VPS26C: variants seen among roughly 807,000 people sequenced by gnomAD.
The protein encoded by VPS26C is VPS26 endosomal protein sorting factor C, also known as vacuolar protein sorting-associated protein 26C.
VPS26C carries 19 observed loss-of-function variants against 30.6 expected under a neutral mutation model. That is an observed-to-expected ratio of 0.62 (90% CI 0.43 to 0.91). VPS26C has a LOEUF of 0.91. Among genes scored for constraint, VPS26C ranks in the 40% least tolerant of loss-of-function variants. VPS26C has a pLI of 0.00. For synonymous variants in VPS26C, 132 were observed against 151.5 expected (o/e 0.87, Z 0.95); for missense variants, 318 against 385.1 (o/e 0.83, Z 1.46).
chr21:37,259,026 CTACT>C (rs1448033271), intron 1 of VPS26C, among the ~76,000 whole-genome samples: 1 of 152,032 alleles, frequency 6.6e-6, no homozygotes, highest in Non-Finnish European at 1.5e-5. Context: ...AAGAAGAGAC[CTACT>C]TAAAGTTTGG....
intron 1 of VPS26C, chr21:37,261,795 G>A (rs1476337409): frequency 1.3e-5 from 2 of 152,022 alleles, no homozygotes; most frequent in Admixed American, 6.6e-5. Context: ...AGTGCATGAG[G>A]TTACCAAACC....
Position 37,227,754 on chromosome 21 carries a change from G to T in VPS26C, c.711C>A (p.Ile237=). Residue 237 remains isoleucine (I), a synonymous_variant, in exon 7 of 8, where the codon ATC becomes ATA. Coordinates refer to ENST00000309117, the MANE Select transcript of VPS26C (RefSeq NM_006052.2). ...GGCCCCTGCACACATCCCCGTCGGC[G>T]ATCTGAATGTTCTGAATCTCCGTGG... The part of the protein sequence containing the change: ...RDATEIQNIQ[I]ADGDVCRGLS... The T allele has an allele frequency of 6.2e-7, 1 of 1,614,178 alleles. No homozygotes were observed. Among genetic ancestry groups the T allele is most frequent in the South Asian group, 1.1e-5 (1 of 91,082 alleles).
At chr21:37,225,687 C>T (rs1015939372) in intron 7 of VPS26C, 61 bp from the exon 8 acceptor site, 52 of 1,393,808 alleles carry the variant, frequency 3.7e-5, no homozygotes, top group Admixed American at 2.2e-4. Context: ...AACCACACGC[C>T]GCCACCACTG....
chr21:37,227,986 T>G (rs928604261), intron 6 of VPS26C, among the ~76,000 whole-genome samples, 180 bp from the exon 7 acceptor site: 2 of 152,182 alleles, frequency 1.3e-5, no homozygotes, highest in Non-Finnish European at 2.9e-5. Flanking sequence ...TTCCCCGACG[T>G]CCTCTCGTTT....
At chr21:37,234,363 T>C (rs2085997896) in intron 3 of VPS26C, among the ~76,000 whole-genome samples, 1 of 152,214 alleles carries the variant, frequency 6.6e-6, no homozygotes, top group African/African-American at 2.4e-5. Flanking sequence ...CTGCTGTCCC[T>C]AGGTTAGTTT....
chr21:37,234,453 T>C (rs748005363), intron 3 of VPS26C, among the ~76,000 whole-genome samples: 6 of 152,218 alleles, frequency 3.9e-5, no homozygotes, highest in African/African-American at 1.2e-4. Context: ...AGAGCTGGTA[T>C]TGAGCTTAAA....
intron 1 of VPS26C, among the ~76,000 whole-genome samples, chr21:37,250,206 G>A (rs896272959): frequency 6.6e-6 from 1 of 152,110 alleles, no homozygotes; most frequent in African/African-American, 2.4e-5. Context: ...TTGGGAGGCT[G>A]AGGCAGGAGA....
At chr21:37,253,530 T>G (rs914104841) in intron 1 of VPS26C, among the ~76,000 whole-genome samples, 2 of 152,160 alleles carry the variant, frequency 1.3e-5, no homozygotes, top group Non-Finnish European at 2.9e-5. Flanking sequence ...CTGAAGCCAC[T>G]GAACAAAAGT....
At chr21:37,235,088 A>C (rs532854037) in intron 3 of VPS26C, among the ~76,000 whole-genome samples, 7 of 150,376 alleles carry the variant, frequency 4.7e-5, no homozygotes, top group Admixed American at 4.6e-4. Flanking sequence ...CTCACTGCAA[A>C]CTCTGCCTCC....
chr21:37,234,708 G>A (rs935338529), intron 3 of VPS26C, among the ~76,000 whole-genome samples: 10 of 152,134 alleles, frequency 6.6e-5, no homozygotes, highest in South Asian at 6.2e-4. Context: ...GCTAATATTC[G>A]TATGAACAAC....
chr21:37,245,438 G>A (rs754992124), intron 1 of VPS26C, among the ~76,000 whole-genome samples: 7 of 152,058 alleles, frequency 4.6e-5, no homozygotes, highest in Non-Finnish European at 1.0e-4. Context: ...AACTGCCCAC[G>A]TTCCTTGCTC....
intron 1 of VPS26C, among the ~76,000 whole-genome samples, chr21:37,253,253 C>A (rs939607753): frequency 1.3e-5 from 2 of 152,174 alleles, no homozygotes; most frequent in Non-Finnish European, 2.9e-5. Flanking sequence ...ACTTTTTTGG[C>A]ATGCTTGCTG....
intron 1 of VPS26C, among the ~76,000 whole-genome samples, chr21:37,258,010 G>T (rs1346776483): frequency 1.3e-5 from 2 of 152,214 alleles, no homozygotes; most frequent in African/African-American, 4.8e-5. Flanking sequence ...CCAGTGTGTG[G>T]CGGAGATGAG....
Position 37,232,410 on chromosome 21 carries a change from C to A in VPS26C, c.474G>T (p.Thr158=), listed in dbSNP as rs138125105. The part of the protein sequence containing the change: ...GKFTPSPVDF[T]ITPETLQNVK... ...CGTTCTGTAAGGTTTCAGGTGTAAT[C>A]GTGAAGTCCACGGGACTGGGAGTAA... Residue 158 remains threonine (T), a synonymous_variant, in exon 5 of 8, where the codon ACG becomes ACT. Coordinates refer to ENST00000309117, the MANE Select transcript of VPS26C (RefSeq NM_006052.2). The A allele has an allele frequency of 1.9e-6, 3 of 1,614,076 alleles. No homozygotes were observed. The highest frequency in any genetic ancestry group is 1.7e-5 in the Admixed American group (1 of 60,006).
intron 1 of VPS26C, among the ~76,000 whole-genome samples, chr21:37,252,063 C>T (rs1258016007): frequency 1.3e-5 from 2 of 152,162 alleles, no homozygotes; most frequent in Non-Finnish European, 1.5e-5. Context: ...ACCTGAGATT[C>T]TGCCATCCCA....
chr21:37,241,090 A>C (rs2086082658), intron 1 of VPS26C, among the ~76,000 whole-genome samples: 1 of 152,250 alleles, frequency 6.6e-6, no homozygotes, highest in Non-Finnish European at 1.5e-5. Flanking sequence ...GACTAAAATG[A>C]CAGCACAACT....
chr21:37,258,606 TAA>T (rs2077622488), intron 1 of VPS26C, among the ~76,000 whole-genome samples: 1 of 152,104 alleles, frequency 6.6e-6, no homozygotes, highest in Admixed American at 6.5e-5. Context: ...GTTTCGGGCC[TAA>T]GAGAGGGCAT....
intron 1 of VPS26C, among the ~76,000 whole-genome samples, chr21:37,258,600 CG>C (rs1360600904): frequency 6.6e-6 from 1 of 152,136 alleles, no homozygotes; most frequent in Non-Finnish European, 1.5e-5. Flanking sequence ...CTGCAGGTTT[CG>C]GGCCTAAGAG....
chr21:37,244,839 C>T (rs142293109), intron 1 of VPS26C, among the ~76,000 whole-genome samples: 4 of 152,308 alleles, frequency 2.6e-5, no homozygotes, highest in Non-Finnish European at 4.4e-5. Flanking sequence ...GCTCTGCAAA[C>T]GTGCTTCTTC....
Sources: allele counts gnomAD v4.1 joint callset (sites outside exome capture counted in the v4.1 genomes callset), GRCh38; gene constraint gnomAD v4.1.1; transcripts MANE v1.5; gene names NCBI Gene and HGNC (gene_info 2026-07-23, HGNC 2026-07-21).